The following CCSER2 variants were observed in gnomAD, a reference collection of about 807,000 sequenced individuals.
CCSER2 encodes the protein coiled-coil serine rich protein 2, also known as serine-rich coiled-coil domain-containing protein 2.
CCSER2 carries 46 observed loss-of-function variants against 92.3 expected under a neutral mutation model. The observed-to-expected ratio is 0.50, with a 90% confidence interval of 0.39 to 0.64. CCSER2 has a LOEUF of 0.64. Ranked by LOEUF, CCSER2 falls within the 30% of genes least tolerant of loss-of-function variation. The pLI, the probability that CCSER2 is intolerant of heterozygous loss-of-function variation, is 0.00. For missense variants in CCSER2, 1,244 were observed against 1,238.9 expected (o/e 1.00, Z -0.06); for synonymous variants, 433 against 431.4 (o/e 1.00, Z -0.04).
chr10:84,416,670 T>C (rs1371341373), intron 3 of CCSER2, among the ~76,000 whole-genome samples: 1 of 152,164 alleles, frequency 6.6e-6, no homozygotes, highest in East Asian at 1.9e-4. Context: ...AGCTCAAGTC[T>C]GTAATTCCAG....
At chr10:84,332,436 A>ATATATATATATTT (rs1401635246) in intron 1 of CCSER2, among the ~76,000 whole-genome samples, 10 of 55,208 alleles carry the variant, frequency 1.8e-4, no homozygotes, top group African/African-American at 9.2e-4. Context: ...ATATATATAT[A>ATATATATATATTT]TTTTTTTTTT....
intron 3 of CCSER2, among the ~76,000 whole-genome samples, chr10:84,395,966 AGAACT>A (rs1841807272): frequency 6.6e-6 from 1 of 152,170 alleles, no homozygotes; most frequent in South Asian, 2.1e-4. Flanking sequence ...TGTGGCAGAC[AGAACT>A]GACAATTATA....
At chr10:84,511,495 T>C (rs1849344091) in intron 9 of CCSER2, among the ~76,000 whole-genome samples, 2 of 152,242 alleles carry the variant, frequency 1.3e-5, no homozygotes, top group African/African-American at 2.4e-5. Flanking sequence ...TTTTTTCTTA[T>C]TGGCAATAGA....
At chr10:84,511,619 G>A (rs1214176511) in intron 9 of CCSER2, among the ~76,000 whole-genome samples, 1 of 152,076 alleles carries the variant, frequency 6.6e-6, no homozygotes, top group Admixed American at 6.6e-5. Flanking sequence ...AGGGTGAAAA[G>A]GAAAAACAAA....
At chr10:84,398,137 G>C (rs1023183945) in intron 3 of CCSER2, among the ~76,000 whole-genome samples, 1 of 152,098 alleles carries the variant, frequency 6.6e-6, no homozygotes, top group Admixed American at 6.6e-5. Context: ...CTGGAGACTC[G>C]AGGGAAGAAT....
chr10:84,473,310 T>A (rs1254216085), intron 8 of CCSER2, among the ~76,000 whole-genome samples: 2 of 152,226 alleles, frequency 1.3e-5, no homozygotes, highest in African/African-American at 4.8e-5. Flanking sequence ...GTAAACACAT[T>A]AGAATCTCAT....
chr10:84,367,760 C>T (rs191273438), intron 1 of CCSER2, among the ~76,000 whole-genome samples: 2 of 148,768 alleles, frequency 1.3e-5, no homozygotes, highest in Non-Finnish European at 3.0e-5. Context: ...GTTTCCTTAA[C>T]GCTGAAGCCT....
intron 3 of CCSER2, among the ~76,000 whole-genome samples, chr10:84,390,511 G>A (rs547364593): frequency 5.3e-5 from 8 of 152,184 alleles, no homozygotes; most frequent in East Asian, 3.9e-4. Context: ...GTGTATCTAA[G>A]CATATCTAAA....
At chr10:84,333,139 G>C (rs1194261245) in intron 1 of CCSER2, among the ~76,000 whole-genome samples, 2 of 151,964 alleles carry the variant, frequency 1.3e-5, no homozygotes, top group African/African-American at 4.8e-5. Flanking sequence ...GCAATATATT[G>C]GTTAATTGAA....
At chr10:84,391,350 T>A in intron 3 of CCSER2, 1 of 1,429,366 alleles carries the variant, frequency 7.0e-7, no homozygotes, top group Non-Finnish European at 9.9e-7. Flanking sequence ...GGAGGCAACA[T>A]TGAACAGCTG....
intron 1 of CCSER2, among the ~76,000 whole-genome samples, chr10:84,352,818 G>A (rs1844938491): frequency 6.6e-6 from 1 of 151,562 alleles, no homozygotes; most frequent in African/African-American, 2.4e-5. Context: ...TTTGGAGACA[G>A]AGTCTCTTGT....
At chr10:84,486,563 A>G (rs1321851625) in intron 9 of CCSER2, among the ~76,000 whole-genome samples, 3 of 152,072 alleles carry the variant, frequency 2.0e-5, no homozygotes, top group Admixed American at 6.5e-5. Flanking sequence ...GTCTGTTCAT[A>G]TCCTTTGCCC....
At chr10:84,367,382 CT>C (rs36111629) in intron 1 of CCSER2, among the ~76,000 whole-genome samples, 322 of 145,644 alleles carry the variant, frequency 2.2e-3, no homozygotes, top group African/African-American at 5.5e-3. Flanking sequence ...CTCCTCGATA[CT>C]TTTTTTTTTT....
chr10:84,446,778 T>G (rs1459736258), intron 6 of CCSER2, among the ~76,000 whole-genome samples: 6 of 152,154 alleles, frequency 3.9e-5, no homozygotes, highest in Admixed American at 2.6e-4. Flanking sequence ...TTTCCCTTGT[T>G]TTTCCTCTCA....
intron 3 of CCSER2, among the ~76,000 whole-genome samples, chr10:84,392,201 G>A (rs569586754): frequency 8.7e-4 from 132 of 151,904 alleles, no homozygotes; most frequent in African/African-American, 3.1e-3. Context: ...GAAGGGGCAG[G>A]AGGGAGGTGT....
At chr10:84,504,783 C>G (rs185433887) in intron 9 of CCSER2, among the ~76,000 whole-genome samples, 4 of 152,214 alleles carry the variant, frequency 2.6e-5, no homozygotes, top group Admixed American at 2.6e-4. Flanking sequence ...TTGATTCTCA[C>G]AACAACTCAG....
intron 9 of CCSER2, among the ~76,000 whole-genome samples, chr10:84,489,464 G>T (rs921929347): frequency 6.6e-6 from 1 of 152,176 alleles, no homozygotes; most frequent in Non-Finnish European, 1.5e-5. Flanking sequence ...AGCTCTTCTT[G>T]TTGAATTGAT....
rs1849616515 is a variant in CCSER2, at chr10:84,516,899, A to G, written c.*2632A>G. 1 of 152,166 alleles carries G rather than the reference A, an allele frequency of 6.6e-6. No individual in the cohort carries two copies. Among genetic ancestry groups the G allele is most frequent in the Non-Finnish European group, 1.5e-5 (1 of 68,024 alleles). 9.4% of individuals were successfully genotyped at this position (152,166 alleles called of 1,614,324 possible). ...AACAAATCTAGGATGCTTGCATGAC[A>G]TAAAGTATTTGCCTGCAGTTTTCAT... is the stretch of plus-strand genomic sequence containing the variant. On this transcript the variant is annotated 3_prime_UTR_variant, in exon 10 of 10. Coordinates refer to ENST00000372088, the MANE Select transcript of CCSER2 (RefSeq NM_001284240.2).
chr10:84,469,780 G>C (rs1415410100), intron 7 of CCSER2, among the ~76,000 whole-genome samples: 1 of 152,046 alleles, frequency 6.6e-6, no homozygotes, highest in Non-Finnish European at 1.5e-5. Flanking sequence ...AATTGAGAAG[G>C]TGTTCTCTCT....
Sources: gnomAD v4.1 joint callset for allele counts (sites outside exome capture counted in the v4.1 genomes callset) on GRCh38, gnomAD v4.1.1 for gene constraint, MANE v1.5 for transcripts, NCBI Gene and HGNC (gene_info 2026-07-23, HGNC 2026-07-21) for gene names.